COL4A3: variants seen among roughly 807,000 people sequenced by gnomAD.
COL4A3 encodes the protein collagen type IV alpha 3 chain, also known as collagen alpha-3(IV) chain.
COL4A3 carries 135 observed loss-of-function variants against 217.4 expected under a neutral mutation model. The ratio of observed to expected loss-of-function variants is 0.62; its 90% CI spans 0.54 to 0.72. The LOEUF is 0.72. Among genes scored for constraint, COL4A3 ranks in the 30% least tolerant of loss-of-function variants. The pLI is 0.00. For synonymous variants in COL4A3, 690 were observed against 736.3 expected, an observed-to-expected ratio of 0.94 and a Z score of 1.02; for missense variants, 1,868 against 2,119.9, an observed-to-expected ratio of 0.88 and a Z score of 2.33.
chr2:227,170,610 C>T (rs2065442787), intron 1 of COL4A3, among the ~76,000 whole-genome samples: 2 of 151,986 alleles, frequency 1.3e-5, no homozygotes, highest in Admixed American at 1.3e-4. Flanking sequence ...TCCCACAACA[C>T]ATAGGAATTA....
intron 11 of COL4A3, among the ~76,000 whole-genome samples, chr2:227,251,889 T>C (rs1483314235): frequency 2.0e-5 from 3 of 151,986 alleles, no homozygotes; most frequent in Non-Finnish European, 4.4e-5. Context: ...GCCAATGTGA[T>C]GAAATCCCAT....
At chr2:227,210,100 A>G (rs1436501177) in intron 1 of COL4A3, among the ~76,000 whole-genome samples, 1 of 152,244 alleles carries the variant, frequency 6.6e-6, no homozygotes, top group African/African-American at 2.4e-5. Flanking sequence ...AGTAAAAGCT[A>G]TCTGTGTTAT....
intron 1 of COL4A3, among the ~76,000 whole-genome samples, chr2:227,206,617 G>A (rs1397916577): frequency 6.6e-6 from 1 of 152,110 alleles, no homozygotes; most frequent in Non-Finnish European, 1.5e-5. Context: ...CAAGAGGTAT[G>A]TAACACCTGA....
intron 3 of COL4A3, among the ~76,000 whole-genome samples, chr2:227,241,692 G>A (rs902661751): frequency 6.6e-6 from 1 of 151,556 alleles, no homozygotes. Context: ...ATACGTGTGT[G>A]TATATATATA....
chr2:227,217,384 C>T (rs982769881), intron 1 of COL4A3, among the ~76,000 whole-genome samples: 2 of 152,170 alleles, frequency 1.3e-5, no homozygotes, highest in East Asian at 1.9e-4. Context: ...TACCACCTTG[C>T]TCCTTTTGTA....
chr2:227,182,844 T>C (rs1484366500), intron 1 of COL4A3, among the ~76,000 whole-genome samples: 1 of 152,216 alleles, frequency 6.6e-6, no homozygotes, highest in Non-Finnish European at 1.5e-5. Context: ...AATTCAAGAA[T>C]TATTTAGTTA....
rs111345755 is a variant in COL4A3, at chr2:227,310,582, C to T, written c.4756-194C>T. Among the ~76,000 whole-genome samples the T allele has an allele frequency of 0.032, 4,824 of 152,242 alleles. 140 individuals carry two copies. Among genetic ancestry groups the T allele is most frequent in the Admixed American group, 0.045 (685 of 15,296 alleles). Reference sequence around the variant, plus strand: ...CTGCCCACCTAGGCCTCCCAAAGAGCGAGCTGGGATTACAGGTGTGAGTCA... The same window carrying T: ...CTGCCCACCTAGGCCTCCCAAAGAGTGAGCTGGGATTACAGGTGTGAGTCA... On this transcript the variant is annotated intron_variant, in intron 50 of 51. Transcript: ENST00000396578.
intron 1 of COL4A3, among the ~76,000 whole-genome samples, chr2:227,207,517 C>T (rs149649680): frequency 9.9e-5 from 15 of 152,196 alleles, no homozygotes; most frequent in Middle Eastern, 3.4e-3. Context: ...ACCTAGCTTA[C>T]GGGAAGGAGT....
At position 227,312,811 on chromosome 2, in the gene COL4A3, T is replaced by A. The variant is rs1490233821; in HGVS notation, c.*941T>A. The A allele has an allele frequency of 6.6e-6, 1 of 152,608 alleles. No homozygotes were observed. Among genetic ancestry groups the A allele is most frequent in the East Asian group, 1.9e-4 (1 of 5,198 alleles). The allele number at this position is 152,608 out of a possible 1,614,324, so 9.5% of individuals were successfully genotyped here. ...GCAGTTCAATAATCCATGAAAGAAC[T>A]TAAGGCATTTGTTGGTTTATCAGAC... On this transcript the variant is annotated 3_prime_UTR_variant, in exon 52 of 52. Transcript: ENST00000396578.
At chr2:227,229,248 T>C (rs1025357900) in intron 1 of COL4A3, among the ~76,000 whole-genome samples, 4 of 152,222 alleles carry the variant, frequency 2.6e-5, no homozygotes, top group Non-Finnish European at 5.9e-5. Flanking sequence ...TTGTGTAATA[T>C]ATTTGATCTG....
Position 227,203,400 on chromosome 2 carries a change from T to A in COL4A3, c.88-34568T>A, listed in dbSNP as rs1337407661. On this transcript the variant is annotated intron_variant, in intron 1 of 51. Transcript: ENST00000396578. ...ACATACATATATGTGTATATATGTG[T>A]ATACATACATATATGTGTATACATA... is the stretch of plus-strand genomic sequence containing the variant. 5.2e-5 allele frequency among the ~76,000 whole-genome samples: 3 copies of A among 57,598 alleles called. 1 individual carries two copies. The East Asian group carries it at 1.5e-3, about 29-fold the overall frequency. 37.8% of individuals were successfully genotyped at this position (57,598 alleles called of 152,430 possible). A position where few individuals can be genotyped will look rare whatever the true frequency, so the allele number is the denominator to read the frequency against.
chr2:227,261,262 C>T (rs1208103143), intron 20 of COL4A3, 145 bp downstream of exon 20: 27 of 721,312 alleles, frequency 3.7e-5, no homozygotes, highest in East Asian at 3.6e-4. Flanking sequence ...CAATGGCTCA[C>T]GCCTGTAATC....
At chr2:227,165,095 C>G (rs2065187039) in intron 1 of COL4A3, among the ~76,000 whole-genome samples, 1 of 152,042 alleles carries the variant, frequency 6.6e-6, no homozygotes, top group Non-Finnish European at 1.5e-5. Context: ...CTCCAGAGGT[C>G]AGTAAATTAA....
chr2:227,229,089 A>G (rs1221403368), intron 1 of COL4A3, among the ~76,000 whole-genome samples: 1 of 152,174 alleles, frequency 6.6e-6, no homozygotes, highest in Admixed American at 6.5e-5. Context: ...CGTCTCTGGA[A>G]CTGGTGCCCT....
chr2:227,299,591 A>G (rs1011787645), intron 43 of COL4A3, among the ~76,000 whole-genome samples: 1 of 152,170 alleles, frequency 6.6e-6, no homozygotes, highest in Non-Finnish European at 1.5e-5. Flanking sequence ...ACATTGACTT[A>G]TCGTTAGTAC....
chr2:227,266,767 T>C (rs1018857202), intron 22 of COL4A3, among the ~76,000 whole-genome samples: 21 of 152,342 alleles, frequency 1.4e-4, no homozygotes, highest in Middle Eastern at 3.4e-3. Flanking sequence ...TGTTTTATGT[T>C]AGACTTTTGG....
intron 1 of COL4A3, among the ~76,000 whole-genome samples, chr2:227,203,509 ATATG>A (rs1401076192): frequency 1.7e-5 from 1 of 59,198 alleles, no homozygotes. Flanking sequence ...ATATATACAT[ATATG>A]TGTGTATATA....
At chr2:227,214,447 T>C (rs1295220220) in intron 1 of COL4A3, among the ~76,000 whole-genome samples, 1 of 152,248 alleles carries the variant, frequency 6.6e-6, no homozygotes, top group Non-Finnish European at 1.5e-5. Context: ...TTTAAACGTG[T>C]TGTTTGTATC....
intron 1 of COL4A3, among the ~76,000 whole-genome samples, chr2:227,226,473 TTG>T (rs1289027007): frequency 8.5e-6 from 1 of 117,100 alleles, no homozygotes; most frequent in African/African-American, 3.3e-5. Context: ...AATGTTAGGT[TTG>T]TTTTTTTTTT....
Sources: allele counts gnomAD v4.1 joint callset (sites outside exome capture counted in the v4.1 genomes callset), GRCh38; gene constraint gnomAD v4.1.1; transcripts MANE v1.5; gene names NCBI Gene and HGNC (gene_info 2026-07-23, HGNC 2026-07-21).